The following WDPCP variants were observed in gnomAD, a reference collection of about 807,000 sequenced individuals.
WDPCP encodes WD repeat containing planar cell polarity effector.
A neutral mutation model predicts 93.1 loss-of-function variants in WDPCP; 71 were observed. That is an observed-to-expected ratio of 0.76 (90% confidence interval 0.63 to 0.93). WDPCP has a LOEUF of 0.93. WDPCP is among the 40% of genes least tolerant of loss of function. WDPCP has a pLI of 0.00. For missense variants in WDPCP, 844 were observed against 887.4 expected (o/e 0.95, Z 0.62); for synonymous variants, 315 against 315.0 (o/e 1.00, Z 0.00).
At chr2:63,467,809 G>A (rs1438513904) in intron 6 of WDPCP, among the ~76,000 whole-genome samples, 2 of 148,982 alleles carry the variant, frequency 1.3e-5, no homozygotes, top group Non-Finnish European at 3.0e-5. Flanking sequence ...AATTGCCCAA[G>A]GAAGACTAAT....
intron 1 of WDPCP, among the ~76,000 whole-genome samples, chr2:63,815,779 A>C (rs1477002689): frequency 6.6e-6 from 1 of 152,214 alleles, no homozygotes; most frequent in Non-Finnish European, 1.5e-5. Context: ...ATATGAGATA[A>C]ATGTATCAAA....
At chr2:63,131,011 C>T (rs1251123559) in intron 17 of WDPCP, among the ~76,000 whole-genome samples, 1 of 151,850 alleles carries the variant, frequency 6.6e-6, no homozygotes, top group Non-Finnish European at 1.5e-5. Flanking sequence ...TATAGGTACC[C>T]CTGCTCTCCT....
At chr2:63,331,904 A>G (rs1410205423) in intron 12 of WDPCP, among the ~76,000 whole-genome samples, 2 of 151,630 alleles carry the variant, frequency 1.3e-5, no homozygotes, top group Non-Finnish European at 2.9e-5. Context: ...CATTTTTTTC[A>G]GGTAGCTAGC....
chr2:63,837,784 T>C, the WDPCP span, among the ~76,000 whole-genome samples: 1 of 152,246 alleles, frequency 6.6e-6, no homozygotes, highest in African/African-American at 2.4e-5. Flanking sequence ...AAATATAAAC[T>C]TTTTATGTTT....
At chr2:63,266,897 T>C (rs1682176534) in intron 13 of WDPCP, among the ~76,000 whole-genome samples, 1 of 152,174 alleles carries the variant, frequency 6.6e-6, no homozygotes, top group Non-Finnish European at 1.5e-5. Context: ...GTTAAAATGT[T>C]CATACTACCC....
At chr2:63,260,626 T>G (rs1485901207) in intron 13 of WDPCP, among the ~76,000 whole-genome samples, 1 of 152,210 alleles carries the variant, frequency 6.6e-6, no homozygotes, top group Non-Finnish European at 1.5e-5. Flanking sequence ...CTCAGCTCAC[T>G]GAAACCTCTG....
At chr2:63,211,948 T>G (rs1230541622) in intron 14 of WDPCP, among the ~76,000 whole-genome samples, 2 of 152,124 alleles carry the variant, frequency 1.3e-5, no homozygotes, top group Non-Finnish European at 2.9e-5. Context: ...GAACAAAGCC[T>G]CCAAGAAATA....
At chr2:63,269,922 C>A (rs1416387390) in intron 13 of WDPCP, among the ~76,000 whole-genome samples, 2 of 152,130 alleles carry the variant, frequency 1.3e-5, no homozygotes, top group Admixed American at 6.5e-5. Context: ...TGATACAATC[C>A]TCTTTATGTT....
chr2:63,387,897 C>T (rs1692878224), intron 10 of WDPCP, among the ~76,000 whole-genome samples: 1 of 152,026 alleles, frequency 6.6e-6, no homozygotes, highest in Admixed American at 6.6e-5. Flanking sequence ...GAATAAAACA[C>T]CTGGGAATAC....
At chr2:63,575,375 T>TACAGTATAA (rs1707872580) in intron 1 of WDPCP, among the ~76,000 whole-genome samples, 1 of 133,850 alleles carries the variant, frequency 7.5e-6, no homozygotes, top group Admixed American at 7.9e-5. Context: ...ATACAGTATA[T>TACAGTATAA]ACAGTATATA....
At chr2:63,737,269 G>C (rs114206631) in intron 2 of WDPCP, among the ~76,000 whole-genome samples, 1 of 152,140 alleles carries the variant, frequency 6.6e-6, no homozygotes, top group Admixed American at 6.5e-5. Flanking sequence ...GGGCATCAAA[G>C]ATATTGATAG....
At chr2:63,688,261 C>T (rs1247146706) in intron 2 of WDPCP, among the ~76,000 whole-genome samples, 1 of 151,940 alleles carries the variant, frequency 6.6e-6, no homozygotes, top group African/African-American at 2.4e-5. Flanking sequence ...CCCGTCTTTA[C>T]TAAAAATACA....
At chr2:63,838,585 T>A in the WDPCP span, among the ~76,000 whole-genome samples, 1 of 149,370 alleles carries the variant, frequency 6.7e-6, no homozygotes, top group Non-Finnish European at 1.5e-5. Flanking sequence ...CCACCCCAGG[T>A]TTCTGCAAAG....
At chr2:63,653,909 C>CAG (rs1710136839) in intron 2 of WDPCP, among the ~76,000 whole-genome samples, 1 of 133,570 alleles carries the variant, frequency 7.5e-6, no homozygotes, top group South Asian at 2.4e-4. Flanking sequence ...GACTCCATCT[C>CAG]AAAAAAAAAA....
At chr2:63,148,347 T>C (rs1671664633) in intron 17 of WDPCP, among the ~76,000 whole-genome samples, 2 of 152,038 alleles carry the variant, frequency 1.3e-5, no homozygotes, top group South Asian at 4.1e-4. Context: ...AAGTTTTTCA[T>C]TTTTCCTTTT....
At chr2:63,212,982 A>G (rs1363690963) in intron 14 of WDPCP, among the ~76,000 whole-genome samples, 1 of 152,178 alleles carries the variant, frequency 6.6e-6, no homozygotes, top group Non-Finnish European at 1.5e-5. Context: ...GCAAGTCCTT[A>G]GAGACCTACA....
the WDPCP span, among the ~76,000 whole-genome samples, chr2:63,838,814 T>C: frequency 1.3e-5 from 2 of 152,328 alleles, no homozygotes; most frequent in Middle Eastern, 3.4e-3. Context: ...CATTAAGAAC[T>C]CCACCTCTTT....
intron 3 of WDPCP, among the ~76,000 whole-genome samples, chr2:63,607,826 CA>C (rs60229846): frequency 0.6 from 71,437 of 118,798 alleles, 19,518 homozygotes; most frequent in East Asian, 0.78. Flanking sequence ...GACTCCGTCT[CA>C]AAAAAAAAAA....
rs180988125 is a variant in WDPCP, at chr2:63,250,483, T to G, written c.1915+8824A>C. Among the ~76,000 whole-genome samples, 37 of 152,312 alleles carry G rather than the reference T, an allele frequency of 2.4e-4. No individual in the cohort carries two copies. In the East Asian group the frequency reaches 2.5e-3, roughly 10 times the overall value. On this transcript the variant is annotated intron_variant, in intron 14 of 17. Coordinates refer to ENST00000272321, the MANE Select transcript of WDPCP (RefSeq NM_015910.7). ...CTACTATAATAGCAGTATAAATATC[T>G]GAGTTCTTTACCTCAATTGAATGAT...
Sources: allele counts gnomAD v4.1 joint callset (sites outside exome capture counted in the v4.1 genomes callset), GRCh38; gene constraint gnomAD v4.1.1; transcripts MANE v1.5; gene names NCBI Gene and HGNC (gene_info 2026-07-23, HGNC 2026-07-21).